ARSB: variants seen among roughly 807,000 people sequenced by gnomAD.
ARSB encodes the protein arylsulfatase B, also known as N-acetylgalactosamine-4-sulfatase.
ARSB carries 41 observed loss-of-function variants against 50.9 expected under a neutral mutation model. The ratio of observed to expected loss-of-function variants is 0.81; its 90% CI spans 0.63 to 1.04. The LOEUF is 1.04. Among genes scored for constraint, ARSB ranks in the 50% least tolerant of loss-of-function variants. The pLI, the probability that ARSB is intolerant of heterozygous loss-of-function variation, is 0.00. For synonymous variants in ARSB, 269 were observed against 284.8 expected (o/e 0.94, Z 0.56); for missense variants, 672 against 693.3 (o/e 0.97, Z 0.35).
intron 6 of ARSB, among the ~76,000 whole-genome samples, chr5:78,809,252 C>A (rs1054422219): frequency 6.6e-6 from 1 of 152,148 alleles, no homozygotes; most frequent in African/African-American, 2.4e-5. Context: ...GTGGTCAGAG[C>A]GGCTGGGAAG....
intron 2 of ARSB, among the ~76,000 whole-genome samples, 185 bp from the exon 3 acceptor site, chr5:78,964,791 C>A (rs1752136758): frequency 6.6e-6 from 1 of 152,120 alleles, no homozygotes; most frequent in Non-Finnish European, 1.5e-5. Flanking sequence ...AACATTACTG[C>A]ATAAAAACTC....
In ARSB at chr5:78,820,675, C is replaced by T. The variant is rs1037657900; in HGVS notation, c.1213+18681G>A. Among the ~76,000 whole-genome samples, 5 of 152,280 alleles carry T rather than the reference C, an allele frequency of 3.3e-5. No homozygotes were observed. In the South Asian group the frequency reaches 6.2e-4, roughly 19 times the overall value. ...GTAGACCTTTATCAGGGTTTCTCAG[C>T]CTCAGCATTATTGACATTTCAGGTG... On this transcript the variant is annotated intron_variant, in intron 6 of 7. Coordinates refer to ENST00000264914, the MANE Select transcript of ARSB (RefSeq NM_000046.5).
Position 78,969,086 on chromosome 5 carries a change from G to A in ARSB, c.419C>T (p.Thr140Ile). 6.2e-7 allele frequency: 1 copy of A among 1,614,182 alleles called. No individual in the cohort carries two copies. The highest frequency in any genetic ancestry group is 1.1e-5 in the South Asian group (1 of 91,080). Residue 140 changes from threonine (T) to isoleucine (I), a missense_variant, in exon 2 of 8, where the codon ACC becomes ATC. Coordinates refer to ENST00000264914, the MANE Select transcript of ARSB (RefSeq NM_000046.5). The part of the protein sequence containing the change: ...PQLLKEAGYT[T>I]HMVGKWHLGM... The stretch of plus-strand genomic sequence containing the variant: ...CAGGTGCCATTTTCCGACCATATGG[G>A]TAGTATAACCTGCTTCTTTTAGGAG...
intron 4 of ARSB, among the ~76,000 whole-genome samples, chr5:78,923,464 T>C (rs1166811112): frequency 6.6e-6 from 1 of 152,234 alleles, no homozygotes; most frequent in African/African-American, 2.4e-5. Context: ...AATATGGTGC[T>C]TCAAGCATCT....
At chr5:78,886,412 C>T (rs1748037535) in intron 4 of ARSB, among the ~76,000 whole-genome samples, 1 of 152,040 alleles carries the variant, frequency 6.6e-6, no homozygotes, top group Non-Finnish European at 1.5e-5. Context: ...TCTCTGTAAA[C>T]AGAACATTAG....
chr5:78,944,316 G>C (rs1483070792), intron 4 of ARSB, among the ~76,000 whole-genome samples: 4 of 152,188 alleles, frequency 2.6e-5, no homozygotes, highest in African/African-American at 9.6e-5. Flanking sequence ...TTCCGTTGCT[G>C]GTGAGGAGCT....
At chr5:78,863,861 T>C (rs1746574683) in intron 5 of ARSB, among the ~76,000 whole-genome samples, 2 of 152,124 alleles carry the variant, frequency 1.3e-5, no homozygotes, top group African/African-American at 2.4e-5. Flanking sequence ...TAATGTTTTA[T>C]CTATAGTTTC....
rs559187375 is a variant in ARSB, at chr5:78,985,045, G to T, written c.204C>A (p.Arg68=). Residue 68 remains arginine (R), a synonymous_variant, in exon 1 of 8, where the codon CGC becomes CGA. Transcript: ENST00000264914. ...NDVGFHGSRI[R]TPHLDALAAG... The stretch of plus-strand genomic sequence containing the variant: ...CCGCCAGCGCGTCCAGGTGCGGCGT[G>T]CGGATGCGGGAGCCGTGGAAGCCGA... 4.9e-5 allele frequency: 75 copies of T among 1,542,326 alleles called. 1 individual carries two copies. In the South Asian group the frequency reaches 8.9e-4, roughly 18 times the overall value.
chr5:78,787,880 T>C (rs1227897971), intron 6 of ARSB, among the ~76,000 whole-genome samples: 1 of 152,120 alleles, frequency 6.6e-6, no homozygotes, highest in East Asian at 1.9e-4. Context: ...CGCAATGCAG[T>C]GATTGCTTAA....
At chr5:78,905,565 G>A (rs1487810733) in intron 4 of ARSB, among the ~76,000 whole-genome samples, 1 of 152,080 alleles carries the variant, frequency 6.6e-6, no homozygotes, top group Non-Finnish European at 1.5e-5. Context: ...TTTGCTATGA[G>A]GTTTGGGTTT....
At chr5:78,914,322 A>G (rs968770931) in intron 4 of ARSB, among the ~76,000 whole-genome samples, 11 of 152,202 alleles carry the variant, frequency 7.2e-5, no homozygotes, top group Non-Finnish European at 1.5e-4. Flanking sequence ...AAAATTAATG[A>G]ACAAATAATA....
intron 6 of ARSB, among the ~76,000 whole-genome samples, chr5:78,836,215 A>C (rs1744949132): frequency 6.6e-6 from 1 of 152,230 alleles, no homozygotes; most frequent in South Asian, 2.1e-4. Flanking sequence ...GTGAATATAA[A>C]AACTGGGCAG....
At chr5:78,821,876 T>G (rs1744242654) in intron 6 of ARSB, among the ~76,000 whole-genome samples, 1 of 152,210 alleles carries the variant, frequency 6.6e-6, no homozygotes, top group African/African-American at 2.4e-5. Flanking sequence ...CTGATGCCAT[T>G]ATGGAAACTG....
intron 5 of ARSB, among the ~76,000 whole-genome samples, chr5:78,853,516 C>G (rs942078447): frequency 6.6e-6 from 1 of 152,222 alleles, no homozygotes; most frequent in Non-Finnish European, 1.5e-5. Context: ...GATCAGGGAC[C>G]CACTTGAGGA....
chr5:78,885,529 T>G, intron 5 of ARSB, 55 bp downstream of exon 5: 1 of 1,600,778 alleles, frequency 6.2e-7, no homozygotes, highest in Non-Finnish European at 8.5e-7. Flanking sequence ...CTCAATGGAG[T>G]CAGGCTGCTC....
chr5:78,870,095 T>C lies in ARSB; in HGVS notation c.1142+15489A>G, dbSNP rs986961674. On this transcript the variant is annotated intron_variant, in intron 5 of 7. Transcript: ENST00000264914. The stretch of plus-strand genomic sequence containing the variant: ...TGGATACATTCCTCGACACATACAC[T>C]CTCCCAAGACTAAACCAGGAAGAAG... 2.9e-4 allele frequency among the ~76,000 whole-genome samples: 39 copies of C among 132,504 alleles called. No individual in the cohort carries two copies. The East Asian group carries it at 3.5e-3, about 12-fold the overall frequency. The allele number at this position is 132,504 out of a possible 152,430, so 86.9% of individuals were successfully genotyped here. A position where few individuals can be genotyped will look rare whatever the true frequency, so the allele number is the denominator to read the frequency against.
At chr5:78,843,537 C>T (rs757706135) in intron 5 of ARSB, among the ~76,000 whole-genome samples, 1 of 152,168 alleles carries the variant, frequency 6.6e-6, no homozygotes, top group Non-Finnish European at 1.5e-5. Flanking sequence ...TAAAAGCACC[C>T]AAACTTAGCT....
intron 5 of ARSB, among the ~76,000 whole-genome samples, chr5:78,843,903 C>A (rs1206167194): frequency 6.6e-6 from 1 of 152,168 alleles, no homozygotes; most frequent in Non-Finnish European, 1.5e-5. Flanking sequence ...CTTTATATGG[C>A]TAAATAATAT....
chr5:78,885,588 T>G lies in ARSB; in HGVS notation c.1138A>C (p.Ile380Leu). Residue 380 changes from isoleucine to leucine, a missense_variant, in exon 5 of 8, where the codon ATC (isoleucine) becomes CTC (leucine). Ile to Leu is a conservative substitution (Grantham distance 5). Coordinates refer to ENST00000264914, the MANE Select transcript of ARSB (RefSeq NM_000046.5). ...PLDGFDVWKT[I>L]SEGSPSPRIE... ...AAAAGGGCAGGGTGTAGGTACCTGA[T>G]GGTTTTCCACACGTCGAAGCCATCC... is the stretch of plus-strand genomic sequence containing the variant. 1 of 1,613,724 alleles carries G rather than the reference T, an allele frequency of 6.2e-7. No homozygotes were observed. The highest frequency in any genetic ancestry group is 8.5e-7 in the Non-Finnish European group (1 of 1,180,020).
Sources: gnomAD v4.1 joint callset for allele counts (sites outside exome capture counted in the v4.1 genomes callset) on GRCh38, gnomAD v4.1.1 for gene constraint, MANE v1.5 for transcripts, NCBI Gene and HGNC (gene_info 2026-07-23, HGNC 2026-07-21) for gene names.